Variants in FAM161A observed in about 807,000 individuals in gnomAD.
The protein encoded by FAM161A is FAM161 centrosomal protein A, also known as protein FAM161A.
Under a neutral mutation model 70.9 loss-of-function variants are expected in FAM161A, and 57 were observed. The ratio of observed to expected loss-of-function variants is 0.80; its 90% CI spans 0.65 to 1.00. FAM161A has a LOEUF of 1.00. Ranked by LOEUF, FAM161A falls within the 50% of genes least tolerant of loss-of-function variation. FAM161A has a pLI of 0.00. For missense variants in FAM161A, 880 were observed against 836.0 expected (o/e 1.05, Z -0.65); for synonymous variants, 299 against 295.7 (o/e 1.01, Z -0.12).
intron 1 of FAM161A, among the ~76,000 whole-genome samples, chr2:61,849,134 T>A (rs1488134989): frequency 5.7e-5 from 7 of 122,116 alleles, no homozygotes; most frequent in Non-Finnish European, 1.2e-4. Flanking sequence ...ATTTATATAC[T>A]TATATATATT....
At chr2:61,836,761 T>A (rs56236752) in intron 4 of FAM161A, 24,886 of 163,162 alleles carry the variant, frequency 0.15, 2,201 homozygotes, top group Admixed American at 0.26. Flanking sequence ...TTAGTAGAGA[T>A]GAGGGTTTCA....
intron 1 of FAM161A, among the ~76,000 whole-genome samples, chr2:61,845,614 G>T (rs1165140772): frequency 6.6e-6 from 1 of 152,070 alleles, no homozygotes; most frequent in Non-Finnish European, 1.5e-5. Flanking sequence ...CTTGAGGCCA[G>T]GAGTTCCAGA....
At chr2:61,831,633 C>A (rs889023586) in intron 5 of FAM161A, among the ~76,000 whole-genome samples, 2 of 152,128 alleles carry the variant, frequency 1.3e-5, no homozygotes, top group African/African-American at 4.8e-5. Context: ...GGGTTTGAAT[C>A]CTGGTTCCCC....
downstream of FAM161A, chr2:61,820,337 G>C: frequency 1.3e-6 from 1 of 747,648 alleles, no homozygotes; most frequent in Non-Finnish European, 2.4e-6. Context: ...GTGGTCATGA[G>C]AGATCCCAAC....
At chr2:61,816,674 T>C in the FAM161A span, among the ~76,000 whole-genome samples, 3 of 152,134 alleles carry the variant, frequency 2.0e-5, no homozygotes, top group African/African-American at 7.2e-5. Context: ...TCTTGCTATG[T>C]TGCCCAGGCT....
intron 5 of FAM161A, 89 bp downstream of exon 5, chr2:61,835,921 T>G: frequency 1.2e-6 from 1 of 861,370 alleles, no homozygotes; most frequent in Non-Finnish European, 1.9e-6. Flanking sequence ...ATATAACACA[T>G]AAGAAAAATG....
chr2:61,804,768 G>GAGAAAGAAAGAGAA, the FAM161A span, among the ~76,000 whole-genome samples: 1 of 118,952 alleles, frequency 8.4e-6, no homozygotes, highest in East Asian at 2.5e-4. Context: ...GAAAAAGAAA[G>GAGAAAGAAAGAGAA]AGAAAGAAAG....
chr2:61,807,549 A>G, the FAM161A span, among the ~76,000 whole-genome samples: 5 of 151,112 alleles, frequency 3.3e-5, no homozygotes, highest in Non-Finnish European at 5.9e-5. Flanking sequence ...TGCTGGGCCA[A>G]TCCCAAAATA....
In FAM161A at chr2:61,839,527, G is replaced by C. The variant is rs775421195; in HGVS notation, c.1477C>G (p.Pro493Ala). 1 of 1,614,198 alleles carries C rather than the reference G, an allele frequency of 6.2e-7. No homozygotes were observed. Among genetic ancestry groups the C allele is most frequent in the Non-Finnish European group, 8.5e-7 (1 of 1,180,026 alleles). ...CATCTTACTGGTGACTTACGCCTTGGAGACAAATAAGGCCAACGTGTTTCT... is the reference window on the plus strand; with the variant it reads ...CATCTTACTGGTGACTTACGCCTTGCAGACAAATAAGGCCAACGTGTTTCT... ...LKETRWPYLSPRRKSPVRCAG... is the reference protein window; with the variant it reads ...LKETRWPYLSARRKSPVRCAG... The change falls in exon 3 of 7, where the codon CCA (proline) becomes GCA (alanine). Residue 493 changes from proline (P) to alanine (A), a missense_variant. Pro to Ala is a conservative substitution (Grantham distance 27). Coordinates refer to ENST00000404929, the MANE Select transcript of FAM161A (RefSeq NM_001201543.2).
At chr2:61,843,252 C>A (rs1337172075) in intron 1 of FAM161A, among the ~76,000 whole-genome samples, 2 of 152,258 alleles carry the variant, frequency 1.3e-5, no homozygotes, top group South Asian at 2.1e-4. Flanking sequence ...CTCAGACTCC[C>A]AAGTAGCTGG....
In FAM161A at chr2:61,839,089, C is replaced by A. The variant is rs112144283; in HGVS notation, c.1583+332G>T. Among the ~76,000 whole-genome samples the A allele has an allele frequency of 6.4e-3, 973 of 151,678 alleles. 18 individuals are homozygous for A. Among genetic ancestry groups the A allele is most frequent in the African/African-American group, 0.023 (942 of 41,354 alleles). On this transcript the variant is annotated intron_variant, in intron 3 of 6. Transcript: ENST00000404929. ...AGTAGAGATGGGGGTTTCATTATCT[C>A]GGCCAGGGTGGTCTTGAACTCCTGA...
rs2105080884 is a variant in FAM161A, at chr2:61,839,615, TG to T, written c.1388del (p.Pro463HisfsTer21). On this transcript the variant is annotated frameshift_variant, in exon 3 of 7. Transcript: ENST00000404929. LOFTEE classifies it high-confidence loss of function. ...VCKPFDLHAS[P>X]HASIKREKIL... ...TTTTTTCTCTTTTAATAGATGCATGTGGAGATGCATGAAGATCAAATGGTTT... is the reference window on the plus strand; with the variant it reads ...TTTTTTCTCTTTTAATAGATGCATGTGAGATGCATGAAGATCAAATGGTTT... The T allele has an allele frequency of 6.2e-7, 1 of 1,614,208 alleles. No homozygotes were observed. Among genetic ancestry groups the T allele is most frequent in the Non-Finnish European group, 8.5e-7 (1 of 1,180,006 alleles).
chr2:61,813,511 G>T, the FAM161A span, among the ~76,000 whole-genome samples: 1 of 139,176 alleles, frequency 7.2e-6, no homozygotes, highest in Non-Finnish European at 1.5e-5. Flanking sequence ...TCATGACACT[G>T]CAATCCAGCC....
chr2:61,848,829 TATATATATTTA>T lies in FAM161A; in HGVS notation c.183+5019_183+5029del, dbSNP rs1673328908. 8.5e-4 allele frequency among the ~76,000 whole-genome samples: 6 copies of T among 7,060 alleles called. 2 individuals carry two copies. The highest frequency in any genetic ancestry group is 2.4e-3 in the African/African-American group (6 of 2,550). The allele number at this position is 7,060 out of a possible 152,430, so 4.6% of individuals were successfully genotyped here. On this transcript the variant is annotated intron_variant, in intron 1 of 6. Coordinates refer to ENST00000404929, the MANE Select transcript of FAM161A (RefSeq NM_001201543.2). ...ATATATATATTTATATATATATATC[TATATATATTTA>T]TATATATATTTATATATATATTTAT...
chr2:61,842,483 T>C, intron 1 of FAM161A, 123 bp from the exon 2 acceptor site: 1 of 632,128 alleles, frequency 1.6e-6, no homozygotes. Flanking sequence ...AATTATGGGC[T>C]ATGCATATAG....
At chr2:61,824,065 C>T (rs1003071244), downstream of FAM161A, among the ~76,000 whole-genome samples, 2 of 150,072 alleles carry the variant, frequency 1.3e-5, no homozygotes, top group African/African-American at 4.9e-5. Flanking sequence ...CTCACTCTGT[C>T]ACCCAGGCTA....
At chr2:61,810,453 C>CTTTTTTTTT in the FAM161A span, among the ~76,000 whole-genome samples, 7 of 95,616 alleles carry the variant, frequency 7.3e-5, no homozygotes, top group Non-Finnish European at 1.2e-4. Context: ...CCAGCACTTC[C>CTTTTTTTTT]TTTTTTTTTT....
chr2:61,840,487 A>G lies in FAM161A; in HGVS notation c.517T>C (p.Ser173Pro), dbSNP rs761535974. The G allele has an allele frequency of 4.3e-6, 7 of 1,614,028 alleles. No homozygotes were observed. In the South Asian group the frequency reaches 6.6e-5, roughly 15 times the overall value. Reference sequence around the variant, plus strand: ...AGGTTGGGTAACTCCTCTTCAGAGGAGGACACATACAAGGAGGAAGACTGG... The same window carrying G: ...AGGTTGGGTAACTCCTCTTCAGAGGGGGACACATACAAGGAGGAAGACTGG... ...LGQSSSLYVSSSEEELPNLEK... is the reference protein window; with the variant it reads ...LGQSSSLYVSPSEEELPNLEK... Residue 173 changes from serine (S) to proline (P), a missense_variant, in exon 3 of 7, where the codon TCC becomes CCC. By Grantham distance (74) the Ser-to-Pro change is moderately conservative. Transcript: ENST00000404929.
intron 1 of FAM161A, among the ~76,000 whole-genome samples, chr2:61,849,662 G>A (rs1673427923): frequency 6.6e-6 from 1 of 151,242 alleles, no homozygotes; most frequent in Admixed American, 6.6e-5. Context: ...GTGTGCACCT[G>A]TAGTCCTAGC....
Sources: gnomAD v4.1 joint callset for allele counts (sites outside exome capture counted in the v4.1 genomes callset) on GRCh38, gnomAD v4.1.1 for gene constraint, MANE v1.5 for transcripts, NCBI Gene and HGNC (gene_info 2026-07-23, HGNC 2026-07-21) for gene names.